Variants in POP1 observed in about 807,000 individuals in gnomAD.
POP1 encodes the protein POP1 ribonuclease P/MRP subunit.
A neutral mutation model predicts 102.2 loss-of-function variants in POP1; 75 were observed. That is an observed-to-expected ratio of 0.73 (90% CI 0.61 to 0.89). POP1 has a LOEUF of 0.89. POP1 is among the 40% of genes least tolerant of loss of function. The pLI, the probability that POP1 is intolerant of heterozygous loss-of-function variation, is 0.00. For synonymous variants in POP1, 436 were observed against 464.1 expected, an observed-to-expected ratio of 0.94 and a Z score of 0.78; for missense variants, 1,116 against 1,267.4, an observed-to-expected ratio of 0.88 and a Z score of 1.81.
intron 9 of POP1, 110 bp from the exon 10 acceptor site, chr8:98,139,968 A>T: frequency 1.2e-6 from 1 of 845,376 alleles, no homozygotes; most frequent in Non-Finnish European, 2.0e-6. Flanking sequence ...CATAACACAT[A>T]CATTTCCACA....
intron 14 of POP1, among the ~76,000 whole-genome samples, chr8:98,155,536 G>A (rs955324345): frequency 4.0e-5 from 6 of 150,918 alleles, no homozygotes; most frequent in African/African-American, 1.5e-4. Flanking sequence ...ATCCGCCTGG[G>A]CCTCCCAAAG....
chr8:98,156,490 C>T, intron 15 of POP1, 78 bp downstream of exon 15: 1 of 1,569,682 alleles, frequency 6.4e-7, no homozygotes, highest in South Asian at 1.1e-5. Flanking sequence ...TAAGCGTTAT[C>T]ACTGTTTGTT....
In POP1 at chr8:98,134,397, A is replaced by G. The variant is rs528952094; in HGVS notation, c.824-75A>G. On this transcript the variant is annotated intron_variant, in intron 6 of 15. Coordinates refer to ENST00000401707, the MANE Select transcript of POP1 (RefSeq NM_001145860.2). ...CTCTCATGGAGGCAGACAGTAAATG[A>G]CAGTGTGGTTATCAGGAAATAGGAC... 4 of 1,447,750 alleles carry G rather than the reference A, an allele frequency of 2.8e-6. No individual in the cohort carries two copies. The African/African-American group carries it at 5.6e-5, about 20-fold the overall frequency. 89.7% of individuals were successfully genotyped at this position (1,447,750 alleles called of 1,614,324 possible).
At chr8:98,140,921 A>G (rs1157088685) in intron 11 of POP1, 33 bp downstream of exon 11, 3 of 1,610,082 alleles carry the variant, frequency 1.9e-6, no homozygotes, top group Non-Finnish European at 2.5e-6. Context: ...GGTTTTCCTT[A>G]CTATTTCGAG....
At chr8:98,151,422 T>C (rs1809509999) in intron 14 of POP1, among the ~76,000 whole-genome samples, 1 of 152,214 alleles carries the variant, frequency 6.6e-6, no homozygotes, top group Non-Finnish European at 1.5e-5. Context: ...ATTTAGACTT[T>C]TCTTTTTTCA....
chr8:98,120,648 T>A (rs1815985217), intron 1 of POP1, among the ~76,000 whole-genome samples: 2 of 106,538 alleles, frequency 1.9e-5, no homozygotes, highest in South Asian at 6.0e-4. Context: ...ATTTTTGTAT[T>A]TTTTTTTTTT....
At chr8:98,144,442 A>T (rs1226354332) in intron 11 of POP1, among the ~76,000 whole-genome samples, 2 of 151,838 alleles carry the variant, frequency 1.3e-5, no homozygotes, top group African/African-American at 4.8e-5. Flanking sequence ...TGCCTGGCTA[A>T]TTTTTAACTT....
At chr8:98,121,981 G>T (rs969752007) in intron 1 of POP1, among the ~76,000 whole-genome samples, 3 of 151,684 alleles carry the variant, frequency 2.0e-5, no homozygotes, top group African/African-American at 7.3e-5. Flanking sequence ...CACCACGCCC[G>T]GCCCACCCAA....
Position 98,133,971 on chromosome 8 carries a change from T to G in POP1, c.758T>G (p.Leu253Trp). 1 of 1,613,398 alleles carries G rather than the reference T, an allele frequency of 6.2e-7. No homozygotes were observed. The highest frequency in any genetic ancestry group is 1.3e-5 in the African/African-American group (1 of 75,044). ...CAGGATTTATCCTATTACTGTTGTT[T>G]GGAGTTGAAAGGCAAAGAGGAAGAA... Reference protein sequence around the residue: ...LLQDLSYYCCLELKGKEEEIL... With the variant: ...LLQDLSYYCCWELKGKEEEIL... Residue 253 changes from leucine (L) to tryptophan (W), a missense_variant, in exon 6 of 16, where the codon TTG (leucine) becomes TGG (tryptophan). By Grantham distance (61) the Leu-to-Trp change is moderately conservative. Transcript: ENST00000401707.
At chr8:98,148,739 C>A in intron 12 of POP1, 76 bp from the exon 13 acceptor site, 1 of 1,274,362 alleles carries the variant, frequency 7.8e-7, no homozygotes, top group Non-Finnish European at 1.1e-6. Context: ...TTTTCTAAAG[C>A]TGCTTATAGG....
chr8:98,150,165 T>C (rs1196437964), intron 13 of POP1, among the ~76,000 whole-genome samples: 3 of 152,252 alleles, frequency 2.0e-5, no homozygotes, highest in African/African-American at 7.2e-5. Flanking sequence ...TTTTTATAGC[T>C]TTATTAAAGT....
At chr8:98,124,569 A>C (rs1421897388) in intron 2 of POP1, among the ~76,000 whole-genome samples, 1 of 152,188 alleles carries the variant, frequency 6.6e-6, no homozygotes, top group Non-Finnish European at 1.5e-5. Context: ...AAAAAAGGAA[A>C]AAAAAAAAGA....
chr8:98,136,498 T>C lies in POP1; in HGVS notation c.1028T>C (p.Ile343Thr), dbSNP rs200085030. The change falls in exon 8 of 16, where the codon ATA (isoleucine) becomes ACA (threonine). Residue 343 changes from isoleucine to threonine, a missense_variant. By Grantham distance (89) the Ile-to-Thr change is moderately conservative. Transcript: ENST00000401707. ...PTLKQDILEE[I>T]KAACQCVEPI... ...TATTTTTAGGATATCTTAGAGGAAA[T>C]AAAAGCAGCGTGCCAGTGTGTGGAA... The C allele has an allele frequency of 8.1e-6, 13 of 1,611,710 alleles. No homozygotes were observed. In the East Asian group the frequency reaches 2.9e-4, roughly 36 times the overall value.
chr8:98,127,086 T>C (rs1430280665), intron 2 of POP1, among the ~76,000 whole-genome samples: 1 of 152,142 alleles, frequency 6.6e-6, no homozygotes, highest in African/African-American at 2.4e-5. Context: ...CAGCACCTTT[T>C]CACTGGTTCT....
rs940267078 is a variant in POP1, at chr8:98,122,564, A to G, written c.-2-772A>G. The stretch of plus-strand genomic sequence containing the variant: ...CCATCCAGCTTTATGGATTGTGCCA[A>G]TGCCTGTGCTGGTGCCTGTGTGGAT... On this transcript the variant is annotated intron_variant, in intron 1 of 15. Coordinates refer to ENST00000401707, the MANE Select transcript of POP1 (RefSeq NM_001145860.2). Among the ~76,000 whole-genome samples the G allele has an allele frequency of 7.2e-5, 11 of 152,306 alleles. No individual in the cohort carries two copies. In the East Asian group the frequency reaches 2.1e-3, roughly 29 times the overall value.
At position 98,153,533 on chromosome 8, in the gene POP1, CTTTT is replaced by C. The variant is rs747984872; in HGVS notation, c.2058-2497_2058-2494del. ...ACTAGATTTACAAACAGTTCTGACT[CTTTT>C]TTTTTTTTTTTTTTTTTTTGAGACA... On this transcript the variant is annotated intron_variant, in intron 14 of 15. Coordinates refer to ENST00000401707, the MANE Select transcript of POP1 (RefSeq NM_001145860.2). Among the ~76,000 whole-genome samples, 73 of 85,494 alleles carry C rather than the reference CTTTT, an allele frequency of 8.5e-4. 1 individual carries two copies. Among genetic ancestry groups the C allele is most frequent in the African/African-American group, 1.9e-3 (39 of 20,928 alleles). The allele number at this position is 85,494 out of a possible 152,430, so 56.1% of individuals were successfully genotyped here.
intron 12 of POP1, among the ~76,000 whole-genome samples, chr8:98,146,950 A>G (rs1816859091): frequency 6.6e-6 from 1 of 152,246 alleles, no homozygotes; most frequent in South Asian, 2.1e-4. Flanking sequence ...AAAGATACAT[A>G]CTGTGATTTT....
chr8:98,157,799 G>T lies in POP1; in HGVS notation c.2603G>T (p.Ser868Ile). 1 of 1,614,206 alleles carries T rather than the reference G, an allele frequency of 6.2e-7. No homozygotes were observed. The highest frequency in any genetic ancestry group is 8.5e-7 in the Non-Finnish European group (1 of 1,180,040). Residue 868 changes from serine to isoleucine, a missense_variant, in exon 16 of 16, where the codon AGC becomes ATC. Physicochemically the swap from Ser to Ile is moderately radical, Grantham distance 142. Coordinates refer to ENST00000401707, the MANE Select transcript of POP1 (RefSeq NM_001145860.2). ...WVSLSLLSKG[S>I]PEPHTMICVP... is the part of the protein sequence containing the mutation. ...AGCCTGTCCCTGCTCAGCAAGGGCA[G>T]CCCCGAGCCTCACACCATGATCTGT...
At chr8:98,122,041 T>G (rs913936352) in intron 1 of POP1, among the ~76,000 whole-genome samples, 68 of 151,570 alleles carry the variant, frequency 4.5e-4, no homozygotes, top group African/African-American at 1.6e-3. Context: ...GGTGGCCAGG[T>G]TGGTCTCGGA....
Sources: allele counts gnomAD v4.1 joint callset (sites outside exome capture counted in the v4.1 genomes callset), GRCh38; gene constraint gnomAD v4.1.1; transcripts MANE v1.5; gene names NCBI Gene and HGNC (gene_info 2026-07-23, HGNC 2026-07-21).